Variants in LIMCH1 observed in about 807,000 individuals in gnomAD.
LIMCH1 encodes the protein LIM and calponin homology domains 1, also known as LIM and calponin homology domains-containing protein 1.
In LIMCH1, 113 loss-of-function variants were observed where a neutral mutation model predicts 176.5. The observed-to-expected ratio is 0.64, with a 90% CI of 0.55 to 0.75. The LOEUF is 0.75. Ranked by LOEUF, LIMCH1 falls within the 30% of genes least tolerant of loss-of-function variation. LIMCH1 has a pLI of 0.00. For missense variants in LIMCH1, 1,674 were observed against 1,814.9 expected, an observed-to-expected ratio of 0.92 and a Z score of 1.41; for synonymous variants, 619 against 645.9, an observed-to-expected ratio of 0.96 and a Z score of 0.63.
intron 4 of LIMCH1, among the ~76,000 whole-genome samples, chr4:41,606,516 G>C (rs1349245903): frequency 2.6e-5 from 4 of 152,138 alleles, no homozygotes; most frequent in African/African-American, 7.2e-5. Flanking sequence ...GCATGTTATA[G>C]CCACTGTTTT....
At chr4:41,488,627 GA>G (rs1429272442) in intron 1 of LIMCH1, among the ~76,000 whole-genome samples, 1 of 152,014 alleles carries the variant, frequency 6.6e-6, no homozygotes, top group Non-Finnish European at 1.5e-5. Flanking sequence ...AGTTTCTTTA[GA>G]TTTTTTTTGT....
intron 1 of LIMCH1, among the ~76,000 whole-genome samples, chr4:41,579,976 T>C (rs1245904096): frequency 6.6e-6 from 1 of 152,214 alleles, no homozygotes; most frequent in Non-Finnish European, 1.5e-5. Context: ...AGGCACAGCC[T>C]TCGGGGAGGG....
At chr4:41,359,815 A>G (rs2051779369), upstream of LIMCH1, 1 of 152,192 alleles carries the variant, frequency 6.6e-6, no homozygotes, top group African/African-American at 2.4e-5. Flanking sequence ...TCAGCCTCCC[A>G]GCCAAAAGGG....
intron 2 of LIMCH1, among the ~76,000 whole-genome samples, chr4:41,515,885 C>T (rs2075527305): frequency 2.0e-5 from 3 of 152,210 alleles, no homozygotes; most frequent in Admixed American, 6.5e-5. Context: ...AGCTGCATCA[C>T]AGCAATTTCA....
At chr4:41,572,775 G>A (rs1318826751) in intron 1 of LIMCH1, among the ~76,000 whole-genome samples, 1 of 152,192 alleles carries the variant, frequency 6.6e-6, no homozygotes, top group Non-Finnish European at 1.5e-5. Context: ...GACCTAGTCA[G>A]TAATTCTTAG....
At chr4:41,495,317 A>G (rs1326390015) in intron 2 of LIMCH1, among the ~76,000 whole-genome samples, 1 of 152,266 alleles carries the variant, frequency 6.6e-6, no homozygotes, top group Non-Finnish European at 1.5e-5. Flanking sequence ...AAATGTACAT[A>G]CAATGAAACA....
At chr4:41,445,668 A>G (rs2063209353) in intron 1 of LIMCH1, among the ~76,000 whole-genome samples, 1 of 152,242 alleles carries the variant, frequency 6.6e-6, no homozygotes, top group African/African-American at 2.4e-5. Flanking sequence ...AGTGACCTGT[A>G]TCTTTCCACG....
chr4:41,526,325 T>C (rs978788394), intron 3 of LIMCH1, among the ~76,000 whole-genome samples: 1 of 151,966 alleles, frequency 6.6e-6, no homozygotes, highest in Non-Finnish European at 1.5e-5. Context: ...CTGTATCATT[T>C]ATATTTTCTT....
At chr4:41,365,007 A>G (rs2052756910) in intron 1 of LIMCH1, among the ~76,000 whole-genome samples, 2 of 152,150 alleles carry the variant, frequency 1.3e-5, no homozygotes, top group Admixed American at 1.3e-4. Flanking sequence ...AACAATATTT[A>G]TCTGTTCTAA....
chr4:41,545,747 A>G (rs1004854896), intron 1 of LIMCH1, among the ~76,000 whole-genome samples: 1 of 152,256 alleles, frequency 6.6e-6, no homozygotes, highest in South Asian at 2.1e-4. Flanking sequence ...TTAAAAAGTC[A>G]TAGGTTTAAC....
intron 1 of LIMCH1, among the ~76,000 whole-genome samples, chr4:41,439,339 A>T (rs1213546520): frequency 6.6e-6 from 1 of 152,208 alleles, no homozygotes; most frequent in Non-Finnish European, 1.5e-5. Flanking sequence ...CTGTAATCCC[A>T]CTTTGGAAGG....
At chr4:41,622,591 G>A (rs2092663673) in intron 7 of LIMCH1, among the ~76,000 whole-genome samples, 1 of 152,184 alleles carries the variant, frequency 6.6e-6, no homozygotes, top group East Asian at 1.9e-4. Flanking sequence ...GTGGGGTAAA[G>A]GCTGGGAAGT....
chr4:41,689,523 C>G lies in LIMCH1; in HGVS notation c.4167-4C>G. The stretch of plus-strand genomic sequence containing the variant: ...TTTATTCTTATGTATATTTTTAAAC[C>G]TAGGTCTATAAGTGGAAAGAAGCTG... On this transcript the variant is annotated splice_polypyrimidine_tract_variant and splice_region_variant and intron_variant, in intron 29 of 31. Coordinates refer to ENST00000503057, the MANE Select transcript of LIMCH1 (RefSeq NM_001330672.2). 4.5e-6 allele frequency: 7 copies of G among 1,544,206 alleles called. No individual in the cohort carries two copies. Among genetic ancestry groups the G allele is most frequent in the Non-Finnish European group, 6.3e-6 (7 of 1,116,610 alleles).
chr4:41,398,522 G>A (rs1349140944), intron 1 of LIMCH1, among the ~76,000 whole-genome samples: 2 of 152,074 alleles, frequency 1.3e-5, no homozygotes, highest in Admixed American at 1.3e-4. Context: ...GAACTTTGCT[G>A]TTCAAATGGG....
chr4:41,542,685 C>T (rs934338989), intron 1 of LIMCH1, among the ~76,000 whole-genome samples: 6 of 152,236 alleles, frequency 3.9e-5, no homozygotes, highest in Middle Eastern at 6.8e-3. Flanking sequence ...GTTTATTCCA[C>T]GTTGATATTT....
At chr4:41,560,230 C>T (rs1043595961) in intron 1 of LIMCH1, among the ~76,000 whole-genome samples, 2 of 152,134 alleles carry the variant, frequency 1.3e-5, no homozygotes, top group African/African-American at 4.8e-5. Flanking sequence ...GATTCTAAGT[C>T]CACACTCTCT....
At chr4:41,513,124 T>G (rs1315352239) in intron 2 of LIMCH1, among the ~76,000 whole-genome samples, 1 of 151,982 alleles carries the variant, frequency 6.6e-6, no homozygotes, top group Admixed American at 6.6e-5. Context: ...AAAAGAGATA[T>G]AAAGAAAATT....
chr4:41,468,677 A>G (rs2066514817), intron 1 of LIMCH1, among the ~76,000 whole-genome samples: 1 of 151,928 alleles, frequency 6.6e-6, no homozygotes, highest in South Asian at 2.1e-4. Context: ...GTTTTGGGTA[A>G]GGCATGTAGT....
intron 1 of LIMCH1, among the ~76,000 whole-genome samples, chr4:41,474,790 A>C (rs1396726068): frequency 1.3e-5 from 2 of 152,182 alleles, no homozygotes; most frequent in African/African-American, 4.8e-5. Flanking sequence ...CTAAAAAATA[A>C]AATTATCATA....
Sources: gnomAD v4.1 joint callset for allele counts (sites outside exome capture counted in the v4.1 genomes callset) on GRCh38, gnomAD v4.1.1 for gene constraint, MANE v1.5 for transcripts, NCBI Gene and HGNC (gene_info 2026-07-23, HGNC 2026-07-21) for gene names.